ATP6V1B2: variants seen among roughly 807,000 people sequenced by gnomAD.
ATP6V1B2 encodes V-type proton ATPase subunit B, brain isoform.
In ATP6V1B2, 23 loss-of-function variants were observed where a neutral mutation model predicts 66.7. The observed-to-expected ratio is 0.34, with a 90% CI of 0.25 to 0.49. The LOEUF (loss-of-function observed/expected upper bound fraction) is 0.49. ATP6V1B2 is among the 20% of genes least tolerant of loss of function. The pLI is 0.99. For synonymous variants in ATP6V1B2, 278 were observed against 236.7 expected (o/e 1.17, Z -1.60); for missense variants, 478 against 650.8 (o/e 0.73, Z 2.89).
In ATP6V1B2 at chr8:20,217,471, A is replaced by G. The variant is rs1191758253; in HGVS notation, c.1266+147A>G. 3 of 685,378 alleles carry G rather than the reference A, an allele frequency of 4.4e-6. No homozygotes were observed. The East Asian group carries it at 8.1e-5, about 19-fold the overall frequency. 42.5% of individuals were successfully genotyped at this position (685,378 alleles called of 1,614,324 possible). A position where few individuals can be genotyped will look rare whatever the true frequency, so the allele number is the denominator to read the frequency against. ...CTTGATGTGGAATACATAATCATTC[A>G]TTAGAACCAAAGCAGCCTTTTCCCA... is the stretch of plus-strand genomic sequence containing the variant. On this transcript the variant is annotated intron_variant, in intron 12 of 13. Coordinates refer to ENST00000276390, the MANE Select transcript of ATP6V1B2 (RefSeq NM_001693.4).
chr8:20,199,604 G>GTTTTTTTTTTTTT (rs11356003), intron 1 of ATP6V1B2, among the ~76,000 whole-genome samples: 1 of 87,592 alleles, frequency 1.1e-5, no homozygotes, highest in Non-Finnish European at 2.1e-5. Context: ...ATTTTTGTGG[G>GTTTTTTTTTTTTT]TTTTTTTTTT....
intron 1 of ATP6V1B2, among the ~76,000 whole-genome samples, chr8:20,200,835 C>G (rs2072678408): frequency 6.6e-6 from 1 of 152,200 alleles, no homozygotes; most frequent in African/African-American, 2.4e-5. Flanking sequence ...GTGCTCACTG[C>G]TCATCATGCA....
chr8:20,209,651 C>T lies in ATP6V1B2; in HGVS notation c.291+120C>T, dbSNP rs141606891. 1.6e-3 allele frequency: 1,458 copies of T among 927,616 alleles called. 12 individuals carry two copies. Among genetic ancestry groups the T allele is most frequent in the African/African-American group, 0.012 (706 of 59,748 alleles). The allele number at this position is 927,616 out of a possible 1,614,324, so 57.5% of individuals were successfully genotyped here. ...TTTAGAGTCTTTAGAGATTGGTTAC[C>T]GGCTGCAGGGAAAGAAACTATTATT... is the stretch of plus-strand genomic sequence containing the variant. On this transcript the variant is annotated intron_variant, in intron 3 of 13. Transcript: ENST00000276390.
chr8:20,212,243 C>A, intron 8 of ATP6V1B2, 44 bp downstream of exon 8: 1 of 1,572,770 alleles, frequency 6.4e-7, no homozygotes, highest in South Asian at 1.1e-5. Context: ...GACTCGGGAT[C>A]AAAAGTGTGT....
rs1473378796 is a variant in ATP6V1B2 at position 20,211,081 on chromosome 8, G to A, written c.464-96G>A. 1.4e-5 allele frequency: 21 copies of A among 1,483,256 alleles called. No homozygotes were observed. The Middle Eastern group carries it at 7.0e-4, about 49-fold the overall frequency. 91.9% of individuals were successfully genotyped at this position (1,483,256 alleles called of 1,614,324 possible). ...TGCTTTATGTAGTTCTGGTCTTCTG[G>A]TGCTTTTTCTTTTCTTTTAATTTGA... On this transcript the variant is annotated intron_variant, in intron 5 of 13. Coordinates refer to ENST00000276390, the MANE Select transcript of ATP6V1B2 (RefSeq NM_001693.4).
In ATP6V1B2 at chr8:20,212,899, T is replaced by G. The variant is rs926551794; in HGVS notation, c.921T>G (p.Leu307=). ...ACATGAGTTCTTATGCTGAAGCACT[T>G]CGAGAGGTAAGTTGTTCATGTTTTT... ...LTDMSSYAEA[L]REVSAAREEV... The change falls in exon 9 of 14, where the codon CTT becomes CTG. Residue 307 remains leucine, a synonymous_variant. Transcript: ENST00000276390. 7.4e-6 allele frequency: 12 copies of G among 1,613,476 alleles called. No homozygotes were observed. In the Admixed American group the frequency reaches 1.8e-4, roughly 25 times the overall value.
chr8:20,204,330 A>C (rs2072716537), intron 1 of ATP6V1B2, among the ~76,000 whole-genome samples, 154 bp from the exon 2 acceptor site: 2 of 152,372 alleles, frequency 1.3e-5, no homozygotes, highest in South Asian at 4.1e-4. Context: ...GCACAGATGT[A>C]GTTTATAAAT....
chr8:20,218,106 C>T, intron 12 of ATP6V1B2, 47 bp from the exon 13 acceptor site: 1 of 1,598,712 alleles, frequency 6.3e-7, no homozygotes, highest in Non-Finnish European at 8.5e-7. Flanking sequence ...GATGACTGAA[C>T]ATTTTGAGAG....
At chr8:20,218,005 A>T in intron 12 of ATP6V1B2, 148 bp from the exon 13 acceptor site, 1 of 1,030,650 alleles carries the variant, frequency 9.7e-7, no homozygotes. Context: ...TCCTTCTGGT[A>T]CTTTCATATG....
At chr8:20,220,157 T>G in intron 13 of ATP6V1B2, 106 bp from the exon 14 acceptor site, 1 of 1,332,262 alleles carries the variant, frequency 7.5e-7, no homozygotes, top group African/African-American at 1.6e-5. Context: ...ACTTTTTTTT[T>G]TCAATATCTA....
chr8:20,197,566 C>T (rs2072641160), intron 1 of ATP6V1B2, 24 bp downstream of exon 1: 1 of 1,351,866 alleles, frequency 7.4e-7, no homozygotes, highest in East Asian at 2.8e-5. Flanking sequence ...AGTAATACGT[C>T]TCCGGTCTTT....
chr8:20,203,047 C>T (rs1351143038), intron 1 of ATP6V1B2, among the ~76,000 whole-genome samples: 2 of 152,078 alleles, frequency 1.3e-5, no homozygotes, highest in African/African-American at 4.8e-5. Flanking sequence ...TAAGAGTATT[C>T]AATCATTTTA....
chr8:20,209,375 A>C (rs2128885523), intron 2 of ATP6V1B2, 58 bp from the exon 3 acceptor site: 1 of 1,491,962 alleles, frequency 6.7e-7, no homozygotes. Context: ...GAGCATGTGT[A>C]GTAATTTGGG....
chr8:20,212,233 G>T (rs754740759), intron 8 of ATP6V1B2, 34 bp downstream of exon 8: 1 of 1,593,130 alleles, frequency 6.3e-7, no homozygotes, highest in Non-Finnish European at 8.6e-7. Flanking sequence ...CTGTGGCCCA[G>T]ACTCGGGATC....
chr8:20,214,993 A>T (rs1222729591), intron 10 of ATP6V1B2, 25 bp downstream of exon 10: 28 of 1,608,604 alleles, frequency 1.7e-5, no homozygotes, highest in Non-Finnish European at 2.2e-5. Context: ...TTGGATTATA[A>T]CACACCTAAT....
At chr8:20,197,848 C>G (rs371550904) in intron 1 of ATP6V1B2, among the ~76,000 whole-genome samples, 21 of 152,260 alleles carry the variant, frequency 1.4e-4, no homozygotes, top group African/African-American at 4.8e-4. Context: ...ACTTGCTTCC[C>G]GTCCCCGAGG....
At chr8:20,214,783 C>A in intron 9 of ATP6V1B2, 35 bp from the exon 10 acceptor site, 2 of 1,567,674 alleles carry the variant, frequency 1.3e-6, no homozygotes, top group Non-Finnish European at 1.7e-6. Context: ...GTTGTAATAT[C>A]GTGCATGATA....
intron 1 of ATP6V1B2, among the ~76,000 whole-genome samples, chr8:20,203,518 G>T (rs2072707357): frequency 6.6e-6 from 1 of 152,192 alleles, no homozygotes; most frequent in Non-Finnish European, 1.5e-5. Flanking sequence ...AATCAAGCAA[G>T]TGAAAAATTC....
In ATP6V1B2 at chr8:20,209,541, A is replaced by G. The variant is rs1463396317; in HGVS notation, c.291+10A>G. ...CAAGGCAGTAGTTCAGGTAAGTTTC[A>G]GCTGGCCAGCTGAACTGTTTCCTAG... On this transcript the variant is annotated intron_variant, in intron 3 of 13. Transcript: ENST00000276390. 6.8e-6 allele frequency: 11 copies of G among 1,609,656 alleles called. No individual in the cohort carries two copies. Among genetic ancestry groups the G allele is most frequent in the Non-Finnish European group, 9.4e-6 (11 of 1,176,058 alleles).
Sources: allele counts gnomAD v4.1 joint callset (sites outside exome capture counted in the v4.1 genomes callset), GRCh38; gene constraint gnomAD v4.1.1; transcripts MANE v1.5; gene names NCBI Gene and HGNC (gene_info 2026-07-23, HGNC 2026-07-21).